Variants in GPHN observed in about 807,000 individuals in gnomAD.
GPHN encodes gephyrin.
In GPHN, 17 loss-of-function variants were observed where a neutral mutation model predicts 95.5. The ratio of observed to expected loss-of-function variants is 0.18; its 90% CI spans 0.12 to 0.27. GPHN has a LOEUF of 0.27. Among genes scored for constraint, GPHN ranks in the 10% least tolerant of loss-of-function variants. The pLI is 1.00. For missense variants in GPHN, 660 were observed against 978.1 expected, an observed-to-expected ratio of 0.67 and a Z score of 4.34; for synonymous variants, 320 against 322.5, an observed-to-expected ratio of 0.99 and a Z score of 0.08.
intron 2 of GPHN, among the ~76,000 whole-genome samples, chr14:66,704,746 T>G (rs1333136805): frequency 1.3e-5 from 2 of 151,958 alleles, no homozygotes; most frequent in Non-Finnish European, 1.5e-5. Context: ...CGTCACAATT[T>G]AAAAGAGCTA....
chr14:67,056,583 C>T (rs564939321), intron 10 of GPHN, among the ~76,000 whole-genome samples: 1 of 152,360 alleles, frequency 6.6e-6, no homozygotes, highest in Non-Finnish European at 1.5e-5. Context: ...ACACAGAGTG[C>T]TGATTGGTGC....
chr14:67,565,613 C>G, the GPHN span, among the ~76,000 whole-genome samples: 6 of 152,154 alleles, frequency 3.9e-5, no homozygotes, highest in Non-Finnish European at 8.8e-5. Flanking sequence ...ATTGCCAGAG[C>G]TAAGGTCAGT....
chr14:67,031,588 T>C (rs1862340723), intron 10 of GPHN, among the ~76,000 whole-genome samples: 1 of 152,298 alleles, frequency 6.6e-6, no homozygotes, highest in Non-Finnish European at 1.5e-5. Flanking sequence ...ATGTAGTTTA[T>C]TTACTAGGTT....
chr14:67,034,965 A>G (rs912632811), intron 10 of GPHN, among the ~76,000 whole-genome samples: 1 of 152,116 alleles, frequency 6.6e-6, no homozygotes, highest in Admixed American at 6.5e-5. Context: ...TAAAATACAC[A>G]TTCTTTCCTA....
At chr14:67,304,503 C>T in the GPHN span, among the ~76,000 whole-genome samples, 1 of 151,998 alleles carries the variant, frequency 6.6e-6, no homozygotes, top group Non-Finnish European at 1.5e-5. Flanking sequence ...CATGGATGAA[C>T]CTTGAAGAAA....
chr14:66,898,291 T>C (rs1239678476), intron 5 of GPHN, among the ~76,000 whole-genome samples: 1 of 151,786 alleles, frequency 6.6e-6, no homozygotes, highest in East Asian at 1.9e-4. Flanking sequence ...TAGGCAAAGG[T>C]CCAAAGACTT....
intron 1 of GPHN, among the ~76,000 whole-genome samples, chr14:66,528,390 C>T (rs1877427753): frequency 1.3e-5 from 2 of 152,160 alleles, no homozygotes; most frequent in Admixed American, 6.5e-5. Context: ...GAATACAGCA[C>T]ACCAATGGGT....
chr14:67,360,198 G>A, the GPHN span: 2 of 402,938 alleles, frequency 5.0e-6, no homozygotes, highest in East Asian at 3.6e-5. Context: ...CTAAGATAGC[G>A]AGAAACAGTA....
chr14:66,874,077 G>A (rs929017849), intron 4 of GPHN, among the ~76,000 whole-genome samples: 1 of 152,204 alleles, frequency 6.6e-6, no homozygotes, highest in Non-Finnish European at 1.5e-5. Context: ...AATCTTTGCT[G>A]TTCTGCAGCC....
At chr14:67,381,254 TCA>T in the GPHN span, among the ~76,000 whole-genome samples, 5 of 152,214 alleles carry the variant, frequency 3.3e-5, no homozygotes, top group Admixed American at 1.3e-4. Context: ...GCCAGTTTTC[TCA>T]CAGTTACAAA....
the GPHN span, chr14:67,653,480 T>C: frequency 6.2e-7 from 1 of 1,614,062 alleles, no homozygotes; most frequent in Admixed American, 1.7e-5. Flanking sequence ...TTGCTCAAGT[T>C]TTCACTTGTG....
intron 9 of GPHN, among the ~76,000 whole-genome samples, chr14:67,012,725 A>G (rs754594802): frequency 2.6e-5 from 4 of 152,164 alleles, no homozygotes; most frequent in Admixed American, 6.5e-5. Flanking sequence ...CAATAATTCT[A>G]TGAGGTGGAA....
chr14:67,522,232 A>G, the GPHN span, among the ~76,000 whole-genome samples: 2 of 152,200 alleles, frequency 1.3e-5, no homozygotes, highest in Non-Finnish European at 2.9e-5. Flanking sequence ...GGAGAGCCCC[A>G]TTCCACACAT....
At chr14:67,057,414 G>T (rs1425728830) in intron 10 of GPHN, among the ~76,000 whole-genome samples, 7 of 151,458 alleles carry the variant, frequency 4.6e-5, no homozygotes, top group African/African-American at 1.7e-4. Context: ...ACATGGGTGG[G>T]GGGGGCAACA....
the GPHN span, among the ~76,000 whole-genome samples, chr14:67,438,931 C>T: frequency 1.1e-4 from 17 of 151,232 alleles, no homozygotes; most frequent in East Asian, 3.9e-4. Flanking sequence ...TCAAGATACA[C>T]GGCAGCTAGT....
chr14:66,650,161 G>A (rs954464923), intron 1 of GPHN, among the ~76,000 whole-genome samples: 2 of 151,838 alleles, frequency 1.3e-5, no homozygotes, highest in Non-Finnish European at 2.9e-5. Flanking sequence ...GTTCATTGCA[G>A]TAGGTGATTT....
intron 3 of GPHN, among the ~76,000 whole-genome samples, chr14:66,796,357 G>A (rs916179523): frequency 6.6e-6 from 1 of 151,576 alleles, no homozygotes; most frequent in African/African-American, 2.4e-5. Context: ...GTATGCTAAT[G>A]CTACAACTAA....
chr14:66,840,000 C>T (rs1039925561), intron 4 of GPHN, among the ~76,000 whole-genome samples: 4 of 151,902 alleles, frequency 2.6e-5, no homozygotes, highest in Non-Finnish European at 5.9e-5. Context: ...GAAAGCAGGC[C>T]AGTTGTGGTA....
At chr14:66,910,573 G>GT (rs928406030) in intron 5 of GPHN, among the ~76,000 whole-genome samples, 1 of 151,848 alleles carries the variant, frequency 6.6e-6, no homozygotes, top group African/African-American at 2.4e-5. Context: ...GCTTTCAAAT[G>GT]TTTTTGACCA....
Sources: gnomAD v4.1 joint callset for allele counts (sites outside exome capture counted in the v4.1 genomes callset) on GRCh38, gnomAD v4.1.1 for gene constraint, MANE v1.5 for transcripts, NCBI Gene and HGNC (gene_info 2026-07-23, HGNC 2026-07-21) for gene names.